Variants in ZIC4 observed in about 807,000 individuals in gnomAD.
ZIC4 encodes Zic family zinc finger 4, also known as zinc finger protein ZIC 4.
ZIC4 carries 15 observed loss-of-function variants against 28.8 expected under a neutral mutation model. The ratio of observed to expected loss-of-function variants is 0.52; its 90% confidence interval spans 0.35 to 0.80. The LOEUF (loss-of-function observed/expected upper bound fraction) is 0.80. Among genes scored for constraint, ZIC4 ranks in the 30% least tolerant of loss-of-function variants. ZIC4 has a pLI of 0.01. For missense variants in ZIC4, 512 were observed against 467.1 expected, an observed-to-expected ratio of 1.10 and a Z score of -0.89; for synonymous variants, 220 against 198.1, an observed-to-expected ratio of 1.11 and a Z score of -0.93.
At chr3:147,405,273 C>T in intron 1 of ZIC4, 1 of 1,180,766 alleles carries the variant, frequency 8.5e-7, no homozygotes, top group Non-Finnish European at 1.2e-6. Flanking sequence ...ATCACCCCTC[C>T]CCCAACCTGC....
chr3:147,405,478 CA>C, intron 1 of ZIC4: 2 of 1,537,250 alleles, frequency 1.3e-6, no homozygotes, highest in Non-Finnish European at 1.7e-6. Flanking sequence ...TCATCAACCC[CA>C]ACTTTCAGAT....
At chr3:147,402,894 T>C (rs986043810) in intron 1 of ZIC4, 82 bp from the exon 2 acceptor site, 3 of 1,154,718 alleles carry the variant, frequency 2.6e-6, no homozygotes, top group Non-Finnish European at 2.5e-6. Context: ...TTTGAATGTA[T>C]GAATGAAAGA....
At chr3:147,402,662 A>G (rs367776074) in intron 2 of ZIC4, 66 bp downstream of exon 2, 1 of 1,452,666 alleles carries the variant, frequency 6.9e-7, no homozygotes, top group Non-Finnish European at 9.4e-7. Context: ...CTACTTAAAA[A>G]AAAAAAAGAA....
rs1431781815 is a variant in ZIC4 at position 147,386,294 on chromosome 3, CACAA to C, written c.*2561_*2564del. On this transcript the variant is annotated 3_prime_UTR_variant, in exon 5 of 5. Transcript: ENST00000383075. The stretch of plus-strand genomic sequence containing the variant: ...GACACTAAAGAGACAGATGATAAAT[CACAA>C]ACAGTGTGGGTAGAGAGGGTACAAA... The C allele has an allele frequency of 2.0e-5, 3 of 152,336 alleles. No individual in the cohort carries two copies. The highest frequency in any genetic ancestry group is 4.4e-5 in the Non-Finnish European group (3 of 68,024). The allele number at this position is 152,336 out of a possible 1,614,324, so 9.4% of individuals were successfully genotyped here. A position where few individuals can be genotyped will look rare whatever the true frequency, so the allele number is the denominator to read the frequency against.
chr3:147,391,318 A>G (rs2086913423), intron 3 of ZIC4, 72 bp from the exon 4 acceptor site: 16 of 1,451,150 alleles, frequency 1.1e-5, no homozygotes, highest in Non-Finnish European at 1.5e-5. Flanking sequence ...ACCCTCCCCC[A>G]TTCGTCTCTC....
intron 2 of ZIC4, among the ~76,000 whole-genome samples, chr3:147,399,663 A>ATTTT (rs34229132): frequency 0.047 from 5,960 of 127,854 alleles, 176 homozygotes; most frequent in South Asian, 0.075. Flanking sequence ...AAAAACACGG[A>ATTTT]TTTTTTTTTT....
intron 4 of ZIC4, 79 bp from the exon 5 acceptor site, chr3:147,388,938 G>C (rs1282181070): frequency 2.6e-6 from 2 of 760,304 alleles, no homozygotes; most frequent in Non-Finnish European, 4.9e-6. Context: ...TTTAGATTGA[G>C]ATAGAAAGCA....
rs939272861 is a variant in ZIC4 at position 147,387,063 on chromosome 3, G to T, written c.*1796C>A. The stretch of plus-strand genomic sequence containing the variant: ...ACTTGGGCTGATTGAATGCAAACCA[G>T]AGCAGAAAGAAGCAGAAACACAATT... On this transcript the variant is annotated 3_prime_UTR_variant, in exon 5 of 5. Coordinates refer to ENST00000383075, the MANE Select transcript of ZIC4 (RefSeq NM_032153.6). The T allele has an allele frequency of 8.5e-5, 13 of 152,174 alleles. No homozygotes were observed. The highest frequency in any genetic ancestry group is 3.1e-4 in the African/African-American group (13 of 41,438). The allele number at this position is 152,174 out of a possible 1,614,324, so 9.4% of individuals were successfully genotyped here.
intron 3 of ZIC4, among the ~76,000 whole-genome samples, chr3:147,394,696 T>G (rs936030604): frequency 6.6e-6 from 1 of 152,150 alleles, no homozygotes; most frequent in Non-Finnish European, 1.5e-5. Flanking sequence ...AACCGTACAC[T>G]TCCAGACAAG....
Position 147,387,507 on chromosome 3 carries a change from C to A in ZIC4, c.*1352G>T, listed in dbSNP as rs935413809. 1 of 152,746 alleles carries A rather than the reference C, an allele frequency of 6.5e-6. No individual in the cohort carries two copies. The highest frequency in any genetic ancestry group is 2.1e-4 in the South Asian group (1 of 4,832). 9.5% of individuals were successfully genotyped at this position (152,746 alleles called of 1,614,324 possible). On this transcript the variant is annotated 3_prime_UTR_variant, in exon 5 of 5. Coordinates refer to ENST00000383075, the MANE Select transcript of ZIC4 (RefSeq NM_032153.6). ...CATCCTTTTTATTCAACCACAAGGA[C>A]TGGCACTAAAGAAGACTCCACTGTT...
In ZIC4 at chr3:147,388,521, G is replaced by T; in HGVS notation, c.*338C>A. 1 of 352,144 alleles carries T rather than the reference G, an allele frequency of 2.8e-6. No individual in the cohort carries two copies. Among genetic ancestry groups the T allele is most frequent in the South Asian group, 1.3e-4 (1 of 7,740 alleles). 21.8% of individuals were successfully genotyped at this position (352,144 alleles called of 1,614,324 possible). ...ATTATTATCCATTTTTATTATGATC[G>T]GGTACAAGTGCCCATTCGCGTGGGT... On this transcript the variant is annotated 3_prime_UTR_variant, in exon 5 of 5. Transcript: ENST00000383075.
chr3:147,391,386 G>T, intron 3 of ZIC4, 140 bp from the exon 4 acceptor site: 1 of 1,131,446 alleles, frequency 8.8e-7, no homozygotes, highest in Non-Finnish European at 1.2e-6. Context: ...GGCGCCTCAG[G>T]TCGAGCACCC....
At chr3:147,393,143 C>G (rs1005541576) in intron 3 of ZIC4, among the ~76,000 whole-genome samples, 11 of 152,018 alleles carry the variant, frequency 7.2e-5, no homozygotes, top group African/African-American at 2.7e-4. Context: ...ACCCCCACCC[C>G]CAACAAAAAT....
intron 2 of ZIC4, among the ~76,000 whole-genome samples, chr3:147,400,204 T>C (rs938191392): frequency 2.6e-5 from 4 of 152,082 alleles, no homozygotes; most frequent in Non-Finnish European, 5.9e-5. Context: ...CTCCTCCAAG[T>C]TTATGGGCCC....
chr3:147,403,751 G>A, intron 1 of ZIC4: 1 of 471,628 alleles, frequency 2.1e-6, no homozygotes, highest in East Asian at 3.6e-5. Flanking sequence ...TCTGCCCACA[G>A]AACAAGCAGT....
chr3:147,397,331 T>C (rs2087070966), intron 2 of ZIC4: 1 of 152,124 alleles, frequency 6.6e-6, no homozygotes, highest in Non-Finnish European at 1.5e-5. Flanking sequence ...GGTCGGTCTC[T>C]CTCTCTCTCT....
intron 1 of ZIC4, chr3:147,406,030 A>AAGGC (rs777664783): frequency 5.5e-4 from 88 of 161,148 alleles, no homozygotes; most frequent in Non-Finnish European, 6.6e-4. Context: ...GAGAGAAGGG[A>AAGGC]AGGCAGGCAG....
intron 4 of ZIC4, among the ~76,000 whole-genome samples, chr3:147,390,113 C>T (rs369843993): frequency 1.1e-4 from 17 of 152,274 alleles, no homozygotes; most frequent in African/African-American, 4.1e-4. Context: ...AGTCTGTGGA[C>T]GACAGGCAGA....
chr3:147,400,447 C>T (rs977801157), intron 2 of ZIC4, among the ~76,000 whole-genome samples: 1 of 152,310 alleles, frequency 6.6e-6, no homozygotes, highest in South Asian at 2.1e-4. Flanking sequence ...GCAGCCTTCT[C>T]TTGAAAGCTG....
Sources: allele counts gnomAD v4.1 joint callset (sites outside exome capture counted in the v4.1 genomes callset), GRCh38; gene constraint gnomAD v4.1.1; transcripts MANE v1.5; gene names NCBI Gene and HGNC (gene_info 2026-07-23, HGNC 2026-07-21).